MFSD8: variants seen among roughly 807,000 people sequenced by gnomAD.
MFSD8 encodes the protein major facilitator superfamily domain-containing protein 8.
A neutral mutation model predicts 66.4 loss-of-function variants in MFSD8; 55 were observed. The observed-to-expected ratio is 0.83, with a 90% CI of 0.67 to 1.04. MFSD8 has a LOEUF of 1.04. Ranked by LOEUF, MFSD8 falls within the 50% of genes least tolerant of loss-of-function variation. The pLI is 0.00. For synonymous variants in MFSD8, 202 were observed against 212.8 expected (o/e 0.95, Z 0.44); for missense variants, 550 against 627.6 (o/e 0.88, Z 1.32).
chr4:127,941,760 CCTCA>C (rs1176375464), intron 5 of MFSD8, among the ~76,000 whole-genome samples: 2 of 152,160 alleles, frequency 1.3e-5, no homozygotes, highest in Admixed American at 6.6e-5. Context: ...CCACGCATGG[CCTCA>C]CTAATTTTTT....
rs571079511 is a variant in MFSD8 at position 127,944,065 on chromosome 4, C to T, written c.199-73G>A. On this transcript the variant is annotated intron_variant, in intron 3 of 11. Transcript: ENST00000641686. Reference sequence around the variant, plus strand: ...TTAAAACTAAATACATTTGTCATACCATGTAAGATTTCCTATCAAAAAATA... The same window carrying T: ...TTAAAACTAAATACATTTGTCATACTATGTAAGATTTCCTATCAAAAAATA... 7 of 1,584,696 alleles carry T rather than the reference C, an allele frequency of 4.4e-6. No individual in the cohort carries two copies. In the South Asian group the frequency reaches 5.7e-5, roughly 13 times the overall value.
Position 127,957,630 on chromosome 4 carries a change from T to C in MFSD8, c.63-38A>G, listed in dbSNP as rs148060974. The C allele has an allele frequency of 5.2e-6, 7 of 1,357,434 alleles. No homozygotes were observed. The African/African-American group carries it at 1.0e-4, about 20-fold the overall frequency. 84.1% of individuals were successfully genotyped at this position (1,357,434 alleles called of 1,614,324 possible). On this transcript the variant is annotated intron_variant, in intron 1 of 11. Coordinates refer to ENST00000641686, the MANE Select transcript of MFSD8 (RefSeq NM_001371596.2). Reference sequence around the variant, plus strand: ...AAGAAAAAAGTAGTATAAATTTATCTCATTACATGTGGATCTTAAGTGTCA... The same window carrying C: ...AAGAAAAAAGTAGTATAAATTTATCCCATTACATGTGGATCTTAAGTGTCA...
At chr4:127,932,846 T>C in intron 8 of MFSD8, 139 bp downstream of exon 8, 1 of 644,892 alleles carries the variant, frequency 1.6e-6, no homozygotes, top group Non-Finnish European at 2.7e-6. Context: ...ACAAAATGTA[T>C]ATACATTTTT....
chr4:127,930,787 A>G lies in MFSD8; in HGVS notation c.894T>C (p.Tyr298=), dbSNP rs118203977. 16 of 1,612,184 alleles carry G rather than the reference A, an allele frequency of 9.9e-6. No homozygotes were observed. Among genetic ancestry groups the G allele is most frequent in the Non-Finnish European group, 1.4e-5 (16 of 1,179,292 alleles). The stretch of plus-strand genomic sequence containing the variant: ...ACACAGCTTGTTCTTGAGTCCAGGC[A>G]TACATATCCATTGTTAATGGAGTAA... The part of the protein sequence containing the change: ...TIITPLTMDM[Y]AWTQEQAVLY... The change falls in exon 9 of 12, where the codon TAT becomes TAC. Residue 298 remains tyrosine (Y), a synonymous_variant. Coordinates refer to ENST00000641686, the MANE Select transcript of MFSD8 (RefSeq NM_001371596.2).
At chr4:127,949,558 T>C (rs1371517529) in intron 3 of MFSD8, among the ~76,000 whole-genome samples, 1 of 152,222 alleles carries the variant, frequency 6.6e-6, no homozygotes, top group African/African-American at 2.4e-5. Context: ...TACCTTTGCC[T>C]GGGACTATCT....
intron 9 of MFSD8, among the ~76,000 whole-genome samples, chr4:127,922,302 T>C (rs1254350728): frequency 6.6e-6 from 1 of 152,098 alleles, no homozygotes; most frequent in Non-Finnish European, 1.5e-5. Flanking sequence ...AGAATAATAA[T>C]GGCAATGGAT....
intron 5 of MFSD8, 56 bp from the exon 6 acceptor site, chr4:127,940,053 A>G (rs1055154222): frequency 1.9e-5 from 29 of 1,488,016 alleles, no homozygotes; most frequent in Admixed American, 1.2e-4. Context: ...ATAGGATAAA[A>G]AAATGAAAAA....
At position 127,957,498 on chromosome 4, in the gene MFSD8, T is replaced by TA. The variant is rs1422791271; in HGVS notation, c.154+2dup. 1.9e-6 allele frequency: 3 copies of TA among 1,582,192 alleles called. No individual in the cohort carries two copies. In the African/African-American group the frequency reaches 4.0e-5, roughly 21 times the overall value. On this transcript the variant is annotated splice_region_variant and intron_variant, in intron 2 of 11. Transcript: ENST00000641686. Reference sequence around the variant, plus strand: ...GTTAAAATTATGTATTTCTAATACTTACCTACACTGCTGAGAAACATAGTA... The same window carrying TA: ...GTTAAAATTATGTATTTCTAATACTTAACCTACACTGCTGAGAAACATAGTA...
rs1210833015 is a variant in MFSD8 at position 127,919,355 on chromosome 4, A to G, written c.*1275T>C. On this transcript the variant is annotated 3_prime_UTR_variant, in exon 12 of 12. Coordinates refer to ENST00000641686, the MANE Select transcript of MFSD8 (RefSeq NM_001371596.2). ...GCACCCAACCTATAAAGTGCAGATT[A>G]TATAGTGTTTATTCTCAGATTTGAA... is the stretch of plus-strand genomic sequence containing the variant. The G allele has an allele frequency of 1.3e-5, 2 of 152,200 alleles. No individual in the cohort carries two copies. The highest frequency in any genetic ancestry group is 2.9e-5 in the Non-Finnish European group (2 of 68,034). The allele number at this position is 152,200 out of a possible 1,614,324, so 9.4% of individuals were successfully genotyped here.
Position 127,920,768 on chromosome 4 carries a change from G to A in MFSD8, c.1419C>T (p.Ser473=). The change falls in exon 12 of 12, where the codon AGC becomes AGT. Residue 473 remains serine (S), a synonymous_variant. Transcript: ENST00000641686. ...GTGGTCCCCAGTGAGCATACACTTG[G>A]CTGATGAACATAGGCCCAAGAATCC... ...GARILGPMFI[S]QVYAHWGPRW... The A allele has an allele frequency of 1.2e-6, 2 of 1,614,042 alleles. No homozygotes were observed. The highest frequency in any genetic ancestry group is 2.2e-5 in the East Asian group (1 of 44,878).
chr4:127,944,619 A>T (rs1462221612), intron 3 of MFSD8, among the ~76,000 whole-genome samples: 1 of 152,166 alleles, frequency 6.6e-6, no homozygotes, highest in Non-Finnish European at 1.5e-5. Context: ...CTTTCAGAAA[A>T]ATAGAAAATG....
chr4:127,938,399 T>A (rs1739433055), intron 7 of MFSD8, among the ~76,000 whole-genome samples: 1 of 151,772 alleles, frequency 6.6e-6, no homozygotes, highest in South Asian at 2.1e-4. Context: ...CTGGCTAACA[T>A]GGTGAAACCC....
At chr4:127,943,678 C>A (rs1740571296) in intron 4 of MFSD8, 74 bp downstream of exon 4, 3 of 1,560,002 alleles carry the variant, frequency 1.9e-6, no homozygotes, top group Middle Eastern at 3.4e-4. Flanking sequence ...GGGGATGAGA[C>A]CAGTTAAAAG....
At chr4:127,947,541 G>C (rs1217157873) in intron 3 of MFSD8, among the ~76,000 whole-genome samples, 1 of 147,806 alleles carries the variant, frequency 6.8e-6, no homozygotes, top group African/African-American at 2.5e-5. Context: ...TCACGCCACT[G>C]CATGCCAGCC....
Position 127,962,286 on chromosome 4 carries a change from G to A in MFSD8, c.62+2786C>T, listed in dbSNP as rs1743915234. On this transcript the variant is annotated intron_variant, in intron 1 of 11. Coordinates refer to ENST00000641686, the MANE Select transcript of MFSD8 (RefSeq NM_001371596.2). ...AGTTCCAGATCAGCCTGGCCACCTG[G>A]TGAAACCCTGTCTTTACCAAAAATA... Among the ~76,000 whole-genome samples, 4 of 152,032 alleles carry A rather than the reference G, an allele frequency of 2.6e-5. No individual in the cohort carries two copies. The South Asian group carries it at 6.2e-4, about 24-fold the overall frequency.
intron 9 of MFSD8, among the ~76,000 whole-genome samples, chr4:127,923,270 T>A (rs549975686): frequency 6.6e-6 from 1 of 152,310 alleles, no homozygotes; most frequent in Admixed American, 6.5e-5. Context: ...GGGTTTGTCA[T>A]AAATAGCGCT....
intron 3 of MFSD8, among the ~76,000 whole-genome samples, chr4:127,944,811 C>T (rs941635633): frequency 2.0e-5 from 3 of 152,026 alleles, no homozygotes; most frequent in African/African-American, 7.3e-5. Context: ...CAGGTATGCA[C>T]CACCATGCCC....
In MFSD8 at chr4:127,919,759, T is replaced by C. The variant is rs528798972; in HGVS notation, c.*871A>G. On this transcript the variant is annotated 3_prime_UTR_variant, in exon 12 of 12. Coordinates refer to ENST00000641686, the MANE Select transcript of MFSD8 (RefSeq NM_001371596.2). ...AAATTAAAGTAAATTAATTAATGTTTTACTAATTAAATGTTTTTCTCCAGT... is the reference window on the plus strand; with the variant it reads ...AAATTAAAGTAAATTAATTAATGTTCTACTAATTAAATGTTTTTCTCCAGT... 1 of 152,292 alleles carries C rather than the reference T, an allele frequency of 6.6e-6. No individual in the cohort carries two copies. Among genetic ancestry groups the C allele is most frequent in the Non-Finnish European group, 1.5e-5 (1 of 68,028 alleles). 9.4% of individuals were successfully genotyped at this position (152,292 alleles called of 1,614,324 possible).
chr4:127,923,588 A>ATTATTATTG (rs1736706990), intron 9 of MFSD8, among the ~76,000 whole-genome samples: 1 of 143,454 alleles, frequency 7.0e-6, no homozygotes. Context: ...TATTATTATT[A>ATTATTATTG]TTATTATTTG....
Sources: allele counts gnomAD v4.1 joint callset (sites outside exome capture counted in the v4.1 genomes callset), GRCh38; gene constraint gnomAD v4.1.1; transcripts MANE v1.5; gene names NCBI Gene and HGNC (gene_info 2026-07-23, HGNC 2026-07-21).